RANBP2: variants seen among roughly 807,000 people sequenced by gnomAD.
RANBP2 encodes the protein RAN binding protein 2, also known as E3 SUMO-protein ligase RanBP2.
In RANBP2, 57 loss-of-function variants were observed where a neutral mutation model predicts 303.6. The ratio of observed to expected loss-of-function variants is 0.19; its 90% CI spans 0.15 to 0.23. The LOEUF (loss-of-function observed/expected upper bound fraction) is 0.23. RANBP2 is among the 10% of genes least tolerant of loss of function. The pLI, the probability that RANBP2 is intolerant of heterozygous loss-of-function variation, is 1.00. For missense variants in RANBP2, 3,138 were observed against 3,780.8 expected, an observed-to-expected ratio of 0.83 and a Z score of 4.46; for synonymous variants, 1,167 against 1,301.5, an observed-to-expected ratio of 0.90 and a Z score of 2.23.
chr2:108,961,839 C>T, the RANBP2 span, among the ~76,000 whole-genome samples: 1 of 152,190 alleles, frequency 6.6e-6, no homozygotes, highest in Non-Finnish European at 1.5e-5. Context: ...TTGCTTCACA[C>T]TAATGGCCCC....
the RANBP2 span, chr2:108,931,110 C>G: frequency 8.3e-7 from 1 of 1,197,666 alleles, no homozygotes; most frequent in Non-Finnish European, 1.2e-6. Context: ...TTTAACCCCA[C>G]TGGATATAAG....
At chr2:108,925,569 A>G in the RANBP2 span, among the ~76,000 whole-genome samples, 1 of 152,204 alleles carries the variant, frequency 6.6e-6, no homozygotes, top group Non-Finnish European at 1.5e-5. Context: ...GTATGGGTCA[A>G]GCTATGCAAC....
chr2:108,964,863 T>C, the RANBP2 span, among the ~76,000 whole-genome samples: 108,651 of 152,074 alleles, frequency 0.71, 44,388 homozygotes, highest in Non-Finnish European at 0.94. Flanking sequence ...TTCCACAAAC[T>C]GTGTAGCATG....
the RANBP2 span, among the ~76,000 whole-genome samples, chr2:109,429,028 TCA>T: frequency 6.6e-6 from 1 of 152,128 alleles, no homozygotes; most frequent in Non-Finnish European, 1.5e-5. Flanking sequence ...AGGACTCAAC[TCA>T]CAGACGTTGG....
chr2:109,009,091 G>A, the RANBP2 span, among the ~76,000 whole-genome samples: 511 of 151,762 alleles, frequency 3.4e-3, 6 homozygotes, highest in Non-Finnish European at 3.1e-3. Context: ...TATAATCCCA[G>A]CACTTTGGGA....
At chr2:109,545,530 A>G in the RANBP2 span, 1 of 1,535,932 alleles carries the variant, frequency 6.5e-7, no homozygotes, top group East Asian at 2.4e-5. Context: ...GTTCGAATCG[A>G]CAGCCTGGTT....
chr2:109,046,184 G>A, the RANBP2 span, among the ~76,000 whole-genome samples: 6 of 150,986 alleles, frequency 4.0e-5, no homozygotes, highest in Non-Finnish European at 8.9e-5. Flanking sequence ...GGCGCCTGTA[G>A]TCCCAGCTAC....
the RANBP2 span, among the ~76,000 whole-genome samples, chr2:109,092,285 TCTTTG>T: frequency 6.6e-6 from 1 of 152,144 alleles, no homozygotes; most frequent in South Asian, 2.1e-4. Flanking sequence ...GACTATCTGC[TCTTTG>T]CTTTGCCCAG....
At chr2:109,004,015 G>T in the RANBP2 span, among the ~76,000 whole-genome samples, 1 of 152,308 alleles carries the variant, frequency 6.6e-6, no homozygotes, top group African/African-American at 2.4e-5. Context: ...CAGGCATTGA[G>T]GGAAGTGAAG....
At chr2:108,973,063 C>G in the RANBP2 span, among the ~76,000 whole-genome samples, 2 of 152,218 alleles carry the variant, frequency 1.3e-5, no homozygotes, top group Non-Finnish European at 2.9e-5. Flanking sequence ...TTCAGCTCAC[C>G]GTAACCTCTG....
the RANBP2 span, among the ~76,000 whole-genome samples, chr2:109,294,616 G>C: frequency 1.6e-4 from 24 of 151,048 alleles, no homozygotes; most frequent in Admixed American, 2.0e-4. Flanking sequence ...ATTGCTGTGA[G>C]AGCCATCCTT....
the RANBP2 span, among the ~76,000 whole-genome samples, chr2:109,369,464 T>TA: frequency 6.6e-6 from 1 of 152,270 alleles, no homozygotes; most frequent in Non-Finnish European, 1.5e-5. Flanking sequence ...TGTGAAGTGA[T>TA]ATGATGCTCT....
At chr2:109,741,446 C>T in the RANBP2 span, among the ~76,000 whole-genome samples, 27,664 of 150,000 alleles carry the variant, frequency 0.18, 3,147 homozygotes, top group East Asian at 0.36. Flanking sequence ...TGGTCGGGCT[C>T]GGTGCCCCAC....
the RANBP2 span, among the ~76,000 whole-genome samples, chr2:109,150,122 C>CA: frequency 6.6e-6 from 1 of 152,130 alleles, no homozygotes; most frequent in African/African-American, 2.4e-5. Context: ...AGAAGGCCAA[C>CA]AAAAGGTGGT....
intron 1 of RANBP2, chr2:108,720,077 T>C (rs1331343779): frequency 1.0e-6 from 1 of 984,506 alleles, no homozygotes; most frequent in Non-Finnish European, 1.2e-6. Flanking sequence ...ATATACTTTA[T>C]ATGCTGCGGC....
chr2:109,612,664 A>G, the RANBP2 span, among the ~76,000 whole-genome samples: 3 of 152,246 alleles, frequency 2.0e-5, no homozygotes, highest in Admixed American at 6.5e-5. Flanking sequence ...TCTATGAATC[A>G]AAGAATTTAT....
chr2:109,510,880 G>C, the RANBP2 span, among the ~76,000 whole-genome samples: 1 of 152,218 alleles, frequency 6.6e-6, no homozygotes, highest in Non-Finnish European at 1.5e-5. Context: ...GAGCTATGGG[G>C]AGTGGGCCCT....
the RANBP2 span, among the ~76,000 whole-genome samples, chr2:109,322,615 C>T: frequency 6.6e-6 from 1 of 152,154 alleles, no homozygotes; most frequent in Non-Finnish European, 1.5e-5. Context: ...CTGCAGTAGT[C>T]GCCAGTCAAA....
chr2:109,130,152 G>A, the RANBP2 span: 10 of 1,273,496 alleles, frequency 7.9e-6, no homozygotes, highest in Non-Finnish European at 7.9e-6. Context: ...ACGGCACGTG[G>A]GAGTGTGTGG....
Sources: allele counts gnomAD v4.1 joint callset (sites outside exome capture counted in the v4.1 genomes callset), GRCh38; gene constraint gnomAD v4.1.1; transcripts MANE v1.5; gene names NCBI Gene and HGNC (gene_info 2026-07-23, HGNC 2026-07-21).